SPSB1: variants seen among roughly 807,000 people sequenced by gnomAD.
SPSB1 encodes the protein splA/ryanodine receptor domain and SOCS box containing 1, also known as SPRY domain-containing SOCS box protein 1.
A neutral mutation model predicts 21.2 loss-of-function variants in SPSB1; 8 were observed. The observed-to-expected ratio is 0.38, with a 90% confidence interval of 0.22 to 0.68. SPSB1 has a LOEUF of 0.68. SPSB1 is among the 30% of genes least tolerant of loss of function. SPSB1 has a pLI of 0.53. For synonymous variants in SPSB1, 169 were observed against 161.7 expected, an observed-to-expected ratio of 1.05 and a Z score of -0.34; for missense variants, 242 against 377.8, an observed-to-expected ratio of 0.64 and a Z score of 2.98.
chr1:9,295,902 C>T (rs1267772761), intron 1 of SPSB1, among the ~76,000 whole-genome samples: 1 of 152,168 alleles, frequency 6.6e-6, no homozygotes, highest in African/African-American at 2.4e-5. Flanking sequence ...TATCAGACGA[C>T]AGCACAAGGT....
intron 1 of SPSB1, among the ~76,000 whole-genome samples, chr1:9,338,652 C>A (rs538622909): frequency 1.3e-5 from 2 of 152,272 alleles, no homozygotes; most frequent in Non-Finnish European, 2.9e-5. Context: ...GGAAGGGAAT[C>A]GTGCTGGCTT....
intron 1 of SPSB1, among the ~76,000 whole-genome samples, chr1:9,310,934 T>C (rs922167674): frequency 6.6e-6 from 1 of 152,182 alleles, no homozygotes; most frequent in African/African-American, 2.4e-5. Flanking sequence ...TATACGTACA[T>C]GTCAGGGTTC....
chr1:9,333,245 A>G (rs1297501572), intron 1 of SPSB1, among the ~76,000 whole-genome samples: 1 of 151,198 alleles, frequency 6.6e-6, no homozygotes, highest in Non-Finnish European at 1.5e-5. Flanking sequence ...ATTCTTAGCC[A>G]TTTAGGGCCT....
At chr1:9,361,167 T>TTCTTTTTTTTC (rs1557467328) in intron 2 of SPSB1, among the ~76,000 whole-genome samples, 4 of 141,580 alleles carry the variant, frequency 2.8e-5, no homozygotes, top group African/African-American at 1.1e-4. Context: ...TTTTTTTTTT[T>TTCTTTTTTTTC]TTTTTTTTTT....
At chr1:9,339,091 A>G (rs1036526222) in intron 1 of SPSB1, among the ~76,000 whole-genome samples, 111 of 152,272 alleles carry the variant, frequency 7.3e-4, no homozygotes, top group African/African-American at 2.6e-3. Context: ...TGCTCCGGCC[A>G]GGGCTGATCC....
chr1:9,321,263 G>GTCGAGTTT lies in SPSB1; in HGVS notation c.-150+28193_-150+28200dup, dbSNP rs1487948487. On this transcript the variant is annotated intron_variant, in intron 1 of 2. Transcript: ENST00000328089. The surrounding 1 kb of genome is among the most constrained non-coding windows in gnomAD (Gnocchi z 4.8). ...TGGGGCTTAGCTGACTCCTTCGAGC[G>GTCGAGTTT]TCGAGTTTCTGGGTTGATGGCACAT... 1.3e-5 allele frequency among the ~76,000 whole-genome samples: 2 copies of GTCGAGTTT among 152,172 alleles called. No homozygotes were observed. Among genetic ancestry groups the GTCGAGTTT allele is most frequent in the African/African-American group, 4.8e-5 (2 of 41,422 alleles).
intron 1 of SPSB1, among the ~76,000 whole-genome samples, chr1:9,316,294 A>C (rs1639611530): frequency 6.6e-6 from 1 of 152,046 alleles, no homozygotes; most frequent in Non-Finnish European, 1.5e-5. Context: ...GCTTTGGGTG[A>C]GTTGGAGATG....
chr1:9,326,717 C>T (rs867730600), intron 1 of SPSB1, among the ~76,000 whole-genome samples: 1 of 152,230 alleles, frequency 6.6e-6, no homozygotes, highest in African/African-American at 2.4e-5. Flanking sequence ...GCAGCCTGAT[C>T]ATCAGCCGTC....
chr1:9,331,746 G>A (rs146961224), intron 1 of SPSB1, among the ~76,000 whole-genome samples: 24 of 152,200 alleles, frequency 1.6e-4, no homozygotes, highest in Non-Finnish European at 2.9e-4. Flanking sequence ...CTTGCTCTCC[G>A]CTTCCTGTGT....
Position 9,293,222 on chromosome 1 carries a change from G to C in SPSB1, c.-150+151G>C, listed in dbSNP as rs1193177952. Reference sequence around the variant, plus strand: ...GGCCGGGCGCGGGGGAGCGGGTGGAGTACGGGATGGGGACTCGGGGCGCGG... The same window carrying C: ...GGCCGGGCGCGGGGGAGCGGGTGGACTACGGGATGGGGACTCGGGGCGCGG... On this transcript the variant is annotated intron_variant, in intron 1 of 2. Coordinates refer to ENST00000328089, the MANE Select transcript of SPSB1 (RefSeq NM_025106.4). This position sits in a 1 kb window ranked among gnomAD's most constrained non-coding sequence, Gnocchi z 5.1. 6.7e-6 allele frequency among the ~76,000 whole-genome samples: 1 copy of C among 149,090 alleles called. No homozygotes were observed. Among genetic ancestry groups the C allele is most frequent in the Non-Finnish European group, 1.5e-5 (1 of 66,844 alleles).
intron 1 of SPSB1, among the ~76,000 whole-genome samples, chr1:9,308,088 A>G (rs1639451628): frequency 6.6e-6 from 1 of 152,248 alleles, no homozygotes; most frequent in East Asian, 1.9e-4. Flanking sequence ...GTCTGGGACC[A>G]GAACTTCAGC....
chr1:9,358,138 C>T (rs940072609), intron 2 of SPSB1, among the ~76,000 whole-genome samples: 7 of 152,308 alleles, frequency 4.6e-5, no homozygotes, highest in Non-Finnish European at 1.0e-4. Context: ...CCTCCTCCCC[C>T]ACGTCAGCCT....
intron 1 of SPSB1, among the ~76,000 whole-genome samples, chr1:9,294,943 C>CCAGCCTGCCTA (rs1553122928): frequency 6.6e-6 from 1 of 152,100 alleles, no homozygotes; most frequent in Non-Finnish European, 1.5e-5. Context: ...ACTGTCTAGG[C>CCAGCCTGCCTA]CAGCCTGTCC....
chr1:9,315,351 G>A (rs1042816970), intron 1 of SPSB1, among the ~76,000 whole-genome samples: 4 of 152,270 alleles, frequency 2.6e-5, no homozygotes, highest in Non-Finnish European at 5.9e-5. Context: ...AGGCATCGCA[G>A]CAGCAGTCAG....
intron 1 of SPSB1, among the ~76,000 whole-genome samples, chr1:9,333,979 G>A (rs566359121): frequency 1.8e-4 from 27 of 152,190 alleles, no homozygotes; most frequent in African/African-American, 4.1e-4. Context: ...CAGGACAGAC[G>A]GACTCCATTC....
intron 1 of SPSB1, among the ~76,000 whole-genome samples, chr1:9,347,681 G>T (rs569468522): frequency 6.6e-6 from 1 of 152,172 alleles, no homozygotes; most frequent in East Asian, 1.9e-4. Context: ...ATGGAGCTCC[G>T]TGGTGTAGAT....
chr1:9,338,407 C>T (rs550585431), intron 1 of SPSB1, among the ~76,000 whole-genome samples: 3 of 152,314 alleles, frequency 2.0e-5, no homozygotes, highest in South Asian at 2.1e-4. Flanking sequence ...ATCCTGGCTG[C>T]GCCTAAGGCC....
chr1:9,352,849 C>T (rs1331732215), intron 1 of SPSB1, among the ~76,000 whole-genome samples: 2 of 150,950 alleles, frequency 1.3e-5, no homozygotes, highest in Non-Finnish European at 3.0e-5. Flanking sequence ...CTCCCCCAGC[C>T]TCCTCCTCAC....
intron 2 of SPSB1, among the ~76,000 whole-genome samples, chr1:9,359,755 C>T (rs1640435055): frequency 6.9e-6 from 1 of 144,132 alleles, no homozygotes; most frequent in Non-Finnish European, 1.5e-5. Context: ...AAATGGATGG[C>T]AGAGGCAAGA....
Sources: gnomAD v4.1 joint callset for allele counts (sites outside exome capture counted in the v4.1 genomes callset) on GRCh38, gnomAD v4.1.1 for gene constraint, Gnocchi (gnomAD v3.1) non-coding constraint, MANE v1.5 for transcripts, NCBI Gene and HGNC (gene_info 2026-07-23, HGNC 2026-07-21) for gene names.